The following MBD6 variants were observed in gnomAD, a reference collection of about 807,000 sequenced individuals.
The protein encoded by MBD6 is methyl-CpG binding domain protein 6.
In MBD6, 22 loss-of-function variants were observed where a neutral mutation model predicts 66.8. The ratio of observed to expected loss-of-function variants is 0.33; its 90% CI spans 0.24 to 0.47. The LOEUF is 0.47. Ranked by LOEUF, MBD6 falls within the 20% of genes least tolerant of loss-of-function variation. The pLI, the probability that MBD6 is intolerant of heterozygous loss-of-function variation, is 1.00. For missense variants in MBD6, 1,322 were observed against 1,286.9 expected (o/e 1.03, Z -0.42); for synonymous variants, 540 against 534.6 (o/e 1.01, Z -0.14).
At position 57,526,345 on chromosome 12, in the gene MBD6, C is replaced by T. The variant is rs764246208; in HGVS notation, c.1377C>T (p.Pro459=). Residue 459 remains proline, a synonymous_variant, in exon 6 of 13, where the codon CCC becomes CCT. Transcript: ENST00000355673. ...SPPQPRHPIQ[P]SLPGTTSGSL... The stretch of plus-strand genomic sequence containing the variant: ...CCCAGCCCAGGCACCCCATCCAGCC[C>T]TCCCTGCCTGGGACCACCAGTGGCA... 20 of 1,608,852 alleles carry T rather than the reference C, an allele frequency of 1.2e-5. No individual in the cohort carries two copies. In the South Asian group the frequency reaches 1.9e-4, roughly 15 times the overall value.
At position 57,528,149 on chromosome 12, in the gene MBD6, C is replaced by T. The variant is rs1323816635; in HGVS notation, c.2409C>T (p.Ile803=). 1.3e-6 allele frequency: 2 copies of T among 1,587,042 alleles called. No individual in the cohort carries two copies. The highest frequency in any genetic ancestry group is 1.7e-6 in the Non-Finnish European group (2 of 1,171,546). The change falls in exon 10 of 13, where the codon ATC becomes ATT. Residue 803 remains isoleucine, a splice_region_variant and synonymous_variant. Transcript: ENST00000355673. The part of the protein sequence containing the change: ...PLACLLQSLQ[I]PPEQPEAPCL... Reference sequence around the variant, plus strand: ...AGAACTTATTTTTTTGCCAGCAGATCCCTCCAGAGCAGCCAGAAGCCCCCT... The same window carrying T: ...AGAACTTATTTTTTTGCCAGCAGATTCCTCCAGAGCAGCCAGAAGCCCCCT...
rs1458088227 is a variant in MBD6, at chr12:57,522,895, A to G, written c.-205A>G. 1.3e-5 allele frequency: 2 copies of G among 153,998 alleles called. No homozygotes were observed. Among genetic ancestry groups the G allele is most frequent in the Non-Finnish European group, 2.9e-5 (2 of 69,102 alleles). 9.5% of individuals were successfully genotyped at this position (153,998 alleles called of 1,614,324 possible). On this transcript the variant is annotated 5_prime_UTR_variant, in exon 1 of 13. Coordinates refer to ENST00000355673, the MANE Select transcript of MBD6 (RefSeq NM_052897.4). ...GGCGGCGGCAGCGGCGCTTCCTGCT[A>G]GGACCGGCCGGGGCCGTACCGGAGG...
Position 57,525,389 on chromosome 12 carries a change from G to T in MBD6, c.421G>T (p.Gly141Trp). The change falls in exon 6 of 13, where the codon GGG becomes TGG. Residue 141 changes from glycine to tryptophan, a missense_variant. Physicochemically the swap from Gly to Trp is radical, Grantham distance 184. Coordinates refer to ENST00000355673, the MANE Select transcript of MBD6 (RefSeq NM_052897.4). ...CCAAATGTTCCACACTGTGTCCCCA[G>T]GGCCCCCCTCTGCCCGCCCTCCCTG... is the stretch of plus-strand genomic sequence containing the variant. ...SPQMFHTVSPGPPSARPPCRV... is the reference protein window; with the variant it reads ...SPQMFHTVSPWPPSARPPCRV... 6.5e-7 allele frequency: 1 copy of T among 1,550,280 alleles called. No individual in the cohort carries two copies.
At position 57,529,176 on chromosome 12, in the gene MBD6, C is replaced by T. The variant is rs768572410; in HGVS notation, c.2954C>T (p.Pro985Leu). The part of the protein sequence containing the change: ...SPTARAAVPL[P>L]PRARPGRPAK... The stretch of plus-strand genomic sequence containing the variant: ...TGATATTAGGCAGCTGTCCCTCTGC[C>T]TCCCCGGGCCCGCCCTGGCCGTCCT... Residue 985 changes from proline (P) to leucine (L), a missense_variant, in exon 13 of 13, where the codon CCT becomes CTT. Physicochemically the swap from Pro to Leu is moderately conservative, Grantham distance 98. Transcript: ENST00000355673. 2.0e-5 allele frequency: 32 copies of T among 1,614,048 alleles called. No individual in the cohort carries two copies. Among genetic ancestry groups the T allele is most frequent in the African/African-American group, 2.7e-5 (2 of 74,902 alleles).
Position 57,526,612 on chromosome 12 carries a change from C to T in MBD6, c.1467C>T (p.Ser489=), listed in dbSNP as rs199937253. 141 of 1,513,766 alleles carry T rather than the reference C, an allele frequency of 9.3e-5. No homozygotes were observed. Among genetic ancestry groups the T allele is most frequent in the Admixed American group, 1.1e-4 (5 of 43,834 alleles). 93.8% of individuals were successfully genotyped at this position (1,513,766 alleles called of 1,614,324 possible). ...CCTCCAAAGCCCCAGTAGTCCCCAG[C>T]CCTGTGCTTCAAAGCCCATCCGAAG... is the stretch of plus-strand genomic sequence containing the variant. ...PAASKAPVVP[S]PVLQSPSEGL... is the part of the protein sequence containing the mutation. Residue 489 remains serine (S), a synonymous_variant, in exon 7 of 13, where the codon AGC becomes AGT. Coordinates refer to ENST00000355673, the MANE Select transcript of MBD6 (RefSeq NM_052897.4).
At chr12:57,522,231 T>G (rs1878397586), upstream of MBD6, among the ~76,000 whole-genome samples, 2 of 151,086 alleles carry the variant, frequency 1.3e-5, no homozygotes, top group Admixed American at 6.6e-5. Context: ...AAAATGGGGG[T>G]AGTGTGGAGG....
chr12:57,520,835 T>G, upstream of MBD6: 2 of 151,078 alleles, frequency 1.3e-5, no homozygotes, highest in Non-Finnish European at 2.8e-5. Context: ...TGGCAACCGG[T>G]GTCTGCACGC....
In MBD6 at chr12:57,524,276, T is replaced by G. The variant is rs1369803602; in HGVS notation, c.-24-4T>G. ...AGTGCCTACATGGATGTCTGTGTTA[T>G]CAGGCACGCGGGAGCTGATTACACA... On this transcript the variant is annotated splice_polypyrimidine_tract_variant and splice_region_variant and intron_variant, in intron 2 of 12. Coordinates refer to ENST00000355673, the MANE Select transcript of MBD6 (RefSeq NM_052897.4). The G allele has an allele frequency of 6.7e-7, 1 of 1,496,394 alleles. No individual in the cohort carries two copies. Among genetic ancestry groups the G allele is most frequent in the South Asian group, 1.3e-5 (1 of 76,078 alleles). The allele number at this position is 1,496,394 out of a possible 1,614,324, so 92.7% of individuals were successfully genotyped here. A position where few individuals can be genotyped will look rare whatever the true frequency, so the allele number is the denominator to read the frequency against.
rs1321027207 is a variant in MBD6 at position 57,526,948 on chromosome 12, C to G, written c.1803C>G (p.Ser601=). Residue 601 remains serine, a synonymous_variant, in exon 7 of 13, where the codon TCC becomes TCG. Transcript: ENST00000355673. ...EPEGPSLLVA[S]LLPPPPSDLL... ...AAGGGCCTTCGCTTTTGGTGGCTTC[C>G]TTGCTTCCTCCACCACCCTCAGACC... 6.2e-7 allele frequency: 1 copy of G among 1,613,760 alleles called. No individual in the cohort carries two copies. Among genetic ancestry groups the G allele is most frequent in the South Asian group, 1.1e-5 (1 of 91,080 alleles).
At position 57,526,157 on chromosome 12, in the gene MBD6, C is replaced by CAACCCTTTTCTCTCCCAA. The variant is rs1421807137; in HGVS notation, c.1205_1206insAAAACCCTTTTCTCTCCC (p.Pro402_Glu403insLysProPheSerLeuPro). 2.5e-6 allele frequency: 4 copies of CAACCCTTTTCTCTCCCAA among 1,614,194 alleles called. No individual in the cohort carries two copies. Among genetic ancestry groups the CAACCCTTTTCTCTCCCAA allele is most frequent in the Non-Finnish European group, 3.4e-6 (4 of 1,180,028 alleles). On this transcript the variant is annotated inframe_insertion, in exon 6 of 13. Coordinates refer to ENST00000355673, the MANE Select transcript of MBD6 (RefSeq NM_052897.4). ...TCCTCGGGCCCCTGCTCCTGTCCCCCAACCCTTTTCTCTCCCGGAGCCATC... is the reference window on the plus strand; with the variant it reads ...TCCTCGGGCCCCTGCTCCTGTCCCCCAACCCTTTTCTCTCCCAAAACCCTTTTCTCTCCCGGAGCCATC...
At position 57,528,422 on chromosome 12, in the gene MBD6, G is replaced by A; in HGVS notation, c.2682G>A (p.Gly894=). ...REPGRLALKW[G]TRGGFNGQME... ...CTGGCCGACTGGCCCTCAAATGGGG[G>A]ACACGTGGTGGCTTCAATGGACAAA... Residue 894 remains glycine, a synonymous_variant, in exon 10 of 13, where the codon GGG becomes GGA. Transcript: ENST00000355673. 1 of 1,613,504 alleles carries A rather than the reference G, an allele frequency of 6.2e-7. No homozygotes were observed. The highest frequency in any genetic ancestry group is 8.5e-7 in the Non-Finnish European group (1 of 1,179,972).
At chr12:57,521,918 C>G (rs1381617732), upstream of MBD6, 2 of 152,158 alleles carry the variant, frequency 1.3e-5, no homozygotes, top group Non-Finnish European at 2.9e-5. Context: ...CATCACTTGC[C>G]AAGGGATCTT....
At chr12:57,530,907 T>G (rs1879632201), downstream of MBD6, 2 of 773,884 alleles carry the variant, frequency 2.6e-6, no homozygotes, top group Non-Finnish European at 4.4e-6. Flanking sequence ...GGGGGATGTT[T>G]ATAGCACCAA....
chr12:57,529,128 A>C, intron 12 of MBD6, 32 bp from the exon 13 acceptor site: 1 of 1,613,670 alleles, frequency 6.2e-7, no homozygotes, highest in South Asian at 1.1e-5. Context: ...CTAGCAATTG[A>C]CCACTTCTAT....
At chr12:57,525,288 G>A (rs780665542) in intron 5 of MBD6, 60 bp from the exon 6 acceptor site, 3 of 1,518,550 alleles carry the variant, frequency 2.0e-6, no homozygotes, top group Non-Finnish European at 2.6e-6. Flanking sequence ...GACTAGAGAA[G>A]ACAAAAGAGT....
In MBD6 at chr12:57,525,805, C is replaced by T. The variant is rs778814745; in HGVS notation, c.837C>T (p.Pro279=). The stretch of plus-strand genomic sequence containing the variant: ...CCCTGCCCCCGAGCAATAATCTCCC[C>T]GCCCACCCTGGTCCTGCCTCTCAGC... ...PPPLPPSNNL[P]AHPGPASQPP... The change falls in exon 6 of 13, where the codon CCC becomes CCT. Residue 279 remains proline, a synonymous_variant. Coordinates refer to ENST00000355673, the MANE Select transcript of MBD6 (RefSeq NM_052897.4). 65 of 1,613,078 alleles carry T rather than the reference C, an allele frequency of 4.0e-5. No individual in the cohort carries two copies. The Admixed American group carries it at 4.3e-4, about 11-fold the overall frequency.
At position 57,524,341 on chromosome 12, in the gene MBD6, C is replaced by T. The variant is rs1878679928; in HGVS notation, c.38C>T (p.Ala13Val). The change falls in exon 3 of 13, where the codon GCT becomes GTT. Residue 13 changes from alanine (A) to valine (V), a missense_variant. Transcript: ENST00000355673. ...AATGAGAGCAGTGGAGCAGACAGAG[C>T]TGGGGGCCCTGTGGCCACATCTGTC... The part of the protein sequence containing the change: ...GGNESSGADR[A>V]GGPVATSVPI... The T allele has an allele frequency of 6.3e-7, 1 of 1,590,806 alleles. No individual in the cohort carries two copies.
chr12:57,522,460 T>G (rs896765532), upstream of MBD6, among the ~76,000 whole-genome samples: 7 of 151,770 alleles, frequency 4.6e-5, no homozygotes, highest in African/African-American at 1.5e-4. Flanking sequence ...GCATTCCTGG[T>G]TCCCGCAACA....
chr12:57,527,321 T>C, intron 7 of MBD6, 94 bp downstream of exon 7: 1 of 1,106,724 alleles, frequency 9.0e-7, no homozygotes, highest in South Asian at 1.6e-5. Flanking sequence ...TCCTGAGCTC[T>C]TCCTTGGGGC....
Sources: gnomAD v4.1 joint callset for allele counts (sites outside exome capture counted in the v4.1 genomes callset) on GRCh38, gnomAD v4.1.1 for gene constraint, MANE v1.5 for transcripts, NCBI Gene and HGNC (gene_info 2026-07-23, HGNC 2026-07-21) for gene names.